The following CACNA1D variants were observed in gnomAD, a reference collection of about 807,000 sequenced individuals.
CACNA1D encodes voltage-dependent L-type calcium channel subunit alpha-1D.
A neutral mutation model predicts 257.1 loss-of-function variants in CACNA1D; 55 were observed. That is an observed-to-expected ratio of 0.21 (90% CI 0.17 to 0.27). The LOEUF is 0.27. Among genes scored for constraint, CACNA1D ranks in the 10% least tolerant of loss-of-function variants. CACNA1D has a pLI of 1.00. For synonymous variants in CACNA1D, 980 were observed against 1,014.9 expected (o/e 0.97, Z 0.65); for missense variants, 1,876 against 2,784.0 (o/e 0.67, Z 7.34).
rs907649878 is a variant in CACNA1D at position 53,673,181 on chromosome 3, C to T, written c.1220+55C>T. On this transcript the variant is annotated intron_variant, in intron 8 of 47. Transcript: ENST00000350061. This position sits in a 1 kb window ranked among gnomAD's most constrained non-coding sequence, Gnocchi z 4.1. Reference sequence around the variant, plus strand: ...AGAGTCCTGAGGACAGTTGCCAAGACCACACAAGCTTTGCTGGATGAGGGC... The same window carrying T: ...AGAGTCCTGAGGACAGTTGCCAAGATCACACAAGCTTTGCTGGATGAGGGC... 9.7e-6 allele frequency: 12 copies of T among 1,232,896 alleles called. No homozygotes were observed. Among genetic ancestry groups the T allele is most frequent in the South Asian group, 1.3e-5 (1 of 76,700 alleles). 76.4% of individuals were successfully genotyped at this position (1,232,896 alleles called of 1,614,324 possible). A position where few individuals can be genotyped will look rare whatever the true frequency, so the allele number is the denominator to read the frequency against.
intron 42 of CACNA1D, 102 bp downstream of exon 42, chr3:53,801,527 G>A: frequency 6.8e-7 from 1 of 1,463,502 alleles, no homozygotes; most frequent in Non-Finnish European, 9.5e-7. Context: ...TCTGGGGCAT[G>A]GAGGAGGTTC....
chr3:53,801,812 T>C (rs1287151202), intron 42 of CACNA1D, among the ~76,000 whole-genome samples: 2 of 152,270 alleles, frequency 1.3e-5, no homozygotes, highest in African/African-American at 4.8e-5. Flanking sequence ...TTCTCAGCTC[T>C]GCCGTTGCAG....
In CACNA1D at chr3:53,811,577, C is replaced by T. The variant is rs1477449035; in HGVS notation, c.*171C>T. ...AAGAAAGCCATAAACCTGGTAGGAA[C>T]AGGTCCCAAGCGGTTGAGCCTGGCA... is the stretch of plus-strand genomic sequence containing the variant. On this transcript the variant is annotated 3_prime_UTR_variant, in exon 48 of 48. Coordinates refer to ENST00000350061, the MANE Select transcript of CACNA1D (RefSeq NM_001128840.3). This position sits in a 1 kb window ranked among gnomAD's most constrained non-coding sequence, Gnocchi z 4.2. 3 of 608,384 alleles carry T rather than the reference C, an allele frequency of 4.9e-6. No individual in the cohort carries two copies. The highest frequency in any genetic ancestry group is 8.3e-6 in the Non-Finnish European group (3 of 359,516). The allele number at this position is 608,384 out of a possible 1,614,324, so 37.7% of individuals were successfully genotyped here.
chr3:53,730,321 A>T, intron 15 of CACNA1D, 121 bp from the exon 16 acceptor site: 1 of 729,442 alleles, frequency 1.4e-6, no homozygotes, highest in Non-Finnish European at 2.5e-6. Flanking sequence ...GTGTGAGTAT[A>T]ACACTTGGGA....
rs756714892 is a variant in CACNA1D, at chr3:53,745,644, C to T, written c.3027C>T (p.Phe1009=). The part of the protein sequence containing the change: ...KGLKHVVQCV[F]VAIRTIGNIM... ...CGCAGCACGTGGTCCAGTGCGTCTT[C>T]GTGGCCATCCGGACCATCGGCAACA... Residue 1009 remains phenylalanine (F), a synonymous_variant, in exon 24 of 48, where the codon TTC becomes TTT. Coordinates refer to ENST00000350061, the MANE Select transcript of CACNA1D (RefSeq NM_001128840.3). 1.2e-5 allele frequency: 19 copies of T among 1,613,518 alleles called. No homozygotes were observed. Among genetic ancestry groups the T allele is most frequent in the Admixed American group, 1.0e-4 (6 of 60,000 alleles).
At chr3:53,590,091 C>T (rs1409837040) in intron 3 of CACNA1D, among the ~76,000 whole-genome samples, 3 of 152,236 alleles carry the variant, frequency 2.0e-5, no homozygotes, top group Non-Finnish European at 4.4e-5. Context: ...CTGTGCAGGA[C>T]ATCCCAGCCC....
At chr3:53,569,591 T>C (rs1383860207) in intron 3 of CACNA1D, among the ~76,000 whole-genome samples, 1 of 152,220 alleles carries the variant, frequency 6.6e-6, no homozygotes, top group East Asian at 1.9e-4. Context: ...CCTACTAGTA[T>C]TAGGGTGCCC....
chr3:53,736,463 C>T lies in CACNA1D; in HGVS notation c.2751+960C>T, dbSNP rs1476039073. ...TCTCCAAAGAAAGTGCTGACCTTGG[C>T]CCCAGATAGCCAATATTAAGTTTGA... On this transcript the variant is annotated intron_variant, in intron 20 of 47. Transcript: ENST00000350061. Among the ~76,000 whole-genome samples, 6 of 152,166 alleles carry T rather than the reference C, an allele frequency of 3.9e-5. No individual in the cohort carries two copies. In the East Asian group the frequency reaches 5.8e-4, roughly 15 times the overall value.
At chr3:53,794,009 G>A (rs937000127) in intron 40 of CACNA1D, among the ~76,000 whole-genome samples, 1 of 152,158 alleles carries the variant, frequency 6.6e-6, no homozygotes, top group Admixed American at 6.5e-5. Context: ...TTGTAGGGAG[G>A]CTCTTCTCAA....
chr3:53,572,605 G>T (rs1388130218), intron 3 of CACNA1D, among the ~76,000 whole-genome samples: 11 of 152,068 alleles, frequency 7.2e-5, no homozygotes, highest in Admixed American at 6.6e-4. Flanking sequence ...TCACCGTGTT[G>T]CCCAGGCTGG....
chr3:53,570,813 A>G (rs36122643), intron 3 of CACNA1D, among the ~76,000 whole-genome samples: 7,871 of 152,340 alleles, frequency 0.052, 342 homozygotes, highest in Non-Finnish European at 0.074. Context: ...CTGTAATTTC[A>G]AAGAACGAGT....
chr3:53,583,140 C>T lies in CACNA1D; in HGVS notation c.484-67639C>T, dbSNP rs536898802. Among the ~76,000 whole-genome samples, 4 of 152,258 alleles carry T rather than the reference C, an allele frequency of 2.6e-5. No homozygotes were observed. The South Asian group carries it at 8.3e-4, about 32-fold the overall frequency. On this transcript the variant is annotated intron_variant, in intron 3 of 47. Transcript: ENST00000350061. ...GTCTCATCCCTGCCCAGAACTTGGC[C>T]TCAGAATCTTATTTGTGATGTTTGT...
chr3:53,806,662 C>T (rs999355131), intron 45 of CACNA1D, among the ~76,000 whole-genome samples: 2 of 152,208 alleles, frequency 1.3e-5, no homozygotes, highest in Non-Finnish European at 2.9e-5. Context: ...TCTGAGTCTG[C>T]CAACTGCATA....
intron 3 of CACNA1D, among the ~76,000 whole-genome samples, chr3:53,597,856 G>A (rs894695495): frequency 6.6e-6 from 1 of 152,170 alleles, no homozygotes; most frequent in Non-Finnish European, 1.5e-5. Context: ...TGGGGAAAAG[G>A]GTGTTCAGTT....
Position 53,497,378 on chromosome 3 carries a change from C to T in CACNA1D, c.294C>T (p.Ser98=), listed in dbSNP as rs28365111. 9.3e-6 allele frequency: 15 copies of T among 1,614,098 alleles called. No individual in the cohort carries two copies. In the African/African-American group the frequency reaches 2.0e-4, roughly 22 times the overall value. The stretch of plus-strand genomic sequence containing the variant: ...AGAGCAAAAAACAGGGTAACTCGTC[C>T]AACAGCCGACCTGCCCGCGCCCTTT... ...YAKSKKQGNS[S]NSRPARALFC... The change falls in exon 2 of 48, where the codon TCC becomes TCT. Residue 98 remains serine (S), a synonymous_variant. Transcript: ENST00000350061.
At chr3:53,795,442 G>A (rs1026350759) in intron 40 of CACNA1D, among the ~76,000 whole-genome samples, 1 of 152,164 alleles carries the variant, frequency 6.6e-6, no homozygotes, top group African/African-American at 2.4e-5. Context: ...TTTGGGAGAG[G>A]TAAGGCAGCC....
chr3:53,724,891 G>A (rs2094918772), intron 14 of CACNA1D, among the ~76,000 whole-genome samples: 2 of 152,028 alleles, frequency 1.3e-5, no homozygotes, highest in African/African-American at 4.8e-5. Context: ...GTCATTTTCA[G>A]GTATATATAA....
intron 37 of CACNA1D, among the ~76,000 whole-genome samples, chr3:53,778,105 C>T (rs1196273538): frequency 6.6e-6 from 1 of 152,182 alleles, no homozygotes; most frequent in African/African-American, 2.4e-5. Flanking sequence ...GACTCATGTT[C>T]CCTGCCCTGA....
At chr3:53,634,882 C>T (rs1407697555) in intron 3 of CACNA1D, among the ~76,000 whole-genome samples, 2 of 152,174 alleles carry the variant, frequency 1.3e-5, no homozygotes, top group Admixed American at 1.3e-4. Flanking sequence ...TGCTCTTCAC[C>T]ATCCTCATGG....
Sources: allele counts gnomAD v4.1 joint callset (sites outside exome capture counted in the v4.1 genomes callset), GRCh38; gene constraint gnomAD v4.1.1; non-coding constraint Gnocchi (gnomAD v3.1); transcripts MANE v1.5; gene names NCBI Gene and HGNC (gene_info 2026-07-23, HGNC 2026-07-21).